Variants in ZNF536 observed in about 807,000 individuals in gnomAD.
ZNF536 encodes zinc finger protein 536.
ZNF536 carries 13 observed loss-of-function variants against 84.5 expected under a neutral mutation model. That is an observed-to-expected ratio of 0.15 (90% CI 0.10 to 0.24). The LOEUF is 0.24. ZNF536 is among the 10% of genes least tolerant of loss of function. The probability of loss-of-function intolerance (pLI) is 1.00; values close to 1 mark genes in which losing one functional copy is unlikely to be tolerated. For missense variants in ZNF536, 1,536 were observed against 1,747.5 expected, an observed-to-expected ratio of 0.88 and a Z score of 2.16; for synonymous variants, 811 against 742.5, an observed-to-expected ratio of 1.09 and a Z score of -1.50.
chr19:30,284,077 G>C (rs911313441), exon 2 of ZNF536: 6 of 152,314 alleles, frequency 3.9e-5, no homozygotes, highest in African/African-American at 1.4e-4. Context: ...TGCAGTTCCT[G>C]ACCACCACGG....
chr19:30,430,984 T>A (rs2051432874), intron 1 of ZNF536, among the ~76,000 whole-genome samples: 1 of 152,030 alleles, frequency 6.6e-6, no homozygotes, highest in Non-Finnish European at 1.5e-5. Context: ...CCATTGGGAG[T>A]CCTTTTTCAA....
At chr19:30,278,854 G>A (rs979474907) in intron 1 of ZNF536, among the ~76,000 whole-genome samples, 4 of 151,936 alleles carry the variant, frequency 2.6e-5, no homozygotes, top group Non-Finnish European at 4.4e-5. Context: ...TGCTCCTTTC[G>A]TAGCAGGCAT....
intron 2 of ZNF536, among the ~76,000 whole-genome samples, chr19:30,491,373 G>A (rs986892033): frequency 6.6e-6 from 1 of 152,262 alleles, no homozygotes; most frequent in Middle Eastern, 3.4e-3. Context: ...TTCCTGGAGT[G>A]CGTGAGCCTC....
At chr19:30,507,662 T>C (rs144237742) in intron 2 of ZNF536, among the ~76,000 whole-genome samples, 37 of 152,178 alleles carry the variant, frequency 2.4e-4, no homozygotes, top group African/African-American at 7.7e-4. Flanking sequence ...TGAAACATTA[T>C]AAAAGAAGGT....
At chr19:30,250,033 A>G (rs1392756672) in intron 1 of ZNF536, among the ~76,000 whole-genome samples, 1 of 152,154 alleles carries the variant, frequency 6.6e-6, no homozygotes, top group African/African-American at 2.4e-5. Flanking sequence ...TCAGGACCCA[A>G]CTGGTAATAA....
intron 2 of ZNF536, among the ~76,000 whole-genome samples, chr19:30,329,538 A>G (rs2047142303): frequency 6.6e-6 from 1 of 152,152 alleles, no homozygotes; most frequent in African/African-American, 2.4e-5. Flanking sequence ...ACAATGCAAC[A>G]GCCATGAAAG....
chr19:30,500,906 A>G (rs1209907783), intron 2 of ZNF536, among the ~76,000 whole-genome samples: 1 of 152,178 alleles, frequency 6.6e-6, no homozygotes. Flanking sequence ...CGTCAGTACA[A>G]TAGGAGTGTA....
chr19:30,701,189 TCTCACACACA>T (rs1568685866), intron 1 of ZNF536, among the ~76,000 whole-genome samples: 1 of 57,880 alleles, frequency 1.7e-5, no homozygotes, highest in South Asian at 5.4e-4. Context: ...TATATCTCAC[TCTCACACACA>T]CACACACACA....
chr19:30,643,457 T>A (rs1315072893), intron 1 of ZNF536, among the ~76,000 whole-genome samples: 1 of 152,190 alleles, frequency 6.6e-6, no homozygotes, highest in African/African-American at 2.4e-5. Context: ...TGTCCTAAAC[T>A]TTTATACCAT....
At chr19:30,531,248 G>C (rs1026724672) in intron 2 of ZNF536, among the ~76,000 whole-genome samples, 1 of 152,194 alleles carries the variant, frequency 6.6e-6, no homozygotes, top group African/African-American at 2.4e-5. Context: ...AAAGATAAAA[G>C]GAAAACAGAT....
chr19:30,485,122 C>T (rs1023140897), intron 2 of ZNF536, among the ~76,000 whole-genome samples: 3 of 150,766 alleles, frequency 2.0e-5, no homozygotes, highest in African/African-American at 4.9e-5. Flanking sequence ...CCAGCCTGGG[C>T]GACAGTGTGA....
chr19:30,599,832 G>A (rs73028854), intron 1 of ZNF536, among the ~76,000 whole-genome samples: 17,783 of 152,198 alleles, frequency 0.12, 1,185 homozygotes, highest in East Asian at 0.24. Flanking sequence ...TTCATGGACC[G>A]TCTTGTGGCC....
chr19:30,280,836 G>A (rs552917665), intron 1 of ZNF536, among the ~76,000 whole-genome samples: 1 of 152,210 alleles, frequency 6.6e-6, no homozygotes, highest in African/African-American at 2.4e-5. Flanking sequence ...CGATATGGGA[G>A]GGAGGAGGGT....
At chr19:30,252,286 T>G (rs898235243) in intron 1 of ZNF536, among the ~76,000 whole-genome samples, 2 of 152,158 alleles carry the variant, frequency 1.3e-5, no homozygotes, top group Admixed American at 6.5e-5. Flanking sequence ...ATAAAAAAAC[T>G]TCCACTTTAA....
At chr19:30,458,855 G>C (rs1481342892) in intron 2 of ZNF536, among the ~76,000 whole-genome samples, 1 of 152,112 alleles carries the variant, frequency 6.6e-6, no homozygotes, top group Non-Finnish European at 1.5e-5. Context: ...CATTTCCCGT[G>C]GGCCCCCCTT....
chr19:30,304,061 G>A (rs542817163), intron 2 of ZNF536, among the ~76,000 whole-genome samples: 20 of 152,286 alleles, frequency 1.3e-4, no homozygotes, highest in Non-Finnish European at 2.4e-4. Flanking sequence ...GGGGAGTCCC[G>A]CTCAGGGTCT....
At chr19:30,582,982 CT>C (rs1449460580) in intron 1 of ZNF536, among the ~76,000 whole-genome samples, 1 of 152,140 alleles carries the variant, frequency 6.6e-6, no homozygotes, top group Non-Finnish European at 1.5e-5. Flanking sequence ...CAGACTGGTC[CT>C]GAACCCCTGG....
chr19:30,292,344 C>CTTTTT (rs1364875449), intron 2 of ZNF536, among the ~76,000 whole-genome samples: 1 of 137,760 alleles, frequency 7.3e-6, no homozygotes. Context: ...TCTTTTTCTT[C>CTTTTT]TTTTTTTTTT....
At chr19:30,616,837 C>T (rs1366911245) in intron 1 of ZNF536, among the ~76,000 whole-genome samples, 1 of 152,190 alleles carries the variant, frequency 6.6e-6, no homozygotes, top group Admixed American at 6.5e-5. Flanking sequence ...TTTCATGGTC[C>T]TTGCCCTGTT....
Sources: allele counts gnomAD v4.1 joint callset (sites outside exome capture counted in the v4.1 genomes callset), GRCh38; gene constraint gnomAD v4.1.1; transcripts MANE v1.5; gene names NCBI Gene and HGNC (gene_info 2026-07-23, HGNC 2026-07-21).